The following FOXP1 variants were observed in gnomAD, a reference collection of about 807,000 sequenced individuals.
FOXP1 encodes the protein forkhead box P1, also known as forkhead box protein P1.
A neutral mutation model predicts 98.2 loss-of-function variants in FOXP1; 15 were observed. The observed-to-expected ratio is 0.15, with a 90% CI of 0.10 to 0.24. The LOEUF is 0.24. Ranked by LOEUF, FOXP1 falls within the 10% of genes least tolerant of loss-of-function variation. The pLI, the probability that FOXP1 is intolerant of heterozygous loss-of-function variation, is 1.00. For missense variants in FOXP1, 633 were observed against 848.5 expected, an observed-to-expected ratio of 0.75 and a Z score of 3.15; for synonymous variants, 371 against 314.5, an observed-to-expected ratio of 1.18 and a Z score of -1.90.
chr3:71,518,984 G>C (rs946815572), intron 2 of FOXP1, among the ~76,000 whole-genome samples: 2 of 152,202 alleles, frequency 1.3e-5, no homozygotes, highest in Admixed American at 1.3e-4. Context: ...GGTGGCTCAC[G>C]CCTGTAATCC....
At chr3:71,331,376 C>A (rs1018912205) in intron 4 of FOXP1, among the ~76,000 whole-genome samples, 8 of 151,394 alleles carry the variant, frequency 5.3e-5, no homozygotes, top group African/African-American at 1.9e-4. Flanking sequence ...TCCCCCCTCC[C>A]CACCCCCCGC....
intron 6 of FOXP1, among the ~76,000 whole-genome samples, chr3:71,180,190 T>C (rs2062203637): frequency 6.6e-6 from 1 of 152,178 alleles, no homozygotes; most frequent in South Asian, 2.1e-4. Flanking sequence ...TTTTTGTTTT[T>C]CTTGTTCTTG....
At chr3:71,452,536 T>C (rs1012392401) in intron 3 of FOXP1, among the ~76,000 whole-genome samples, 3 of 152,160 alleles carry the variant, frequency 2.0e-5, no homozygotes, top group African/African-American at 7.2e-5. Flanking sequence ...GGATAAATGA[T>C]GAGATTCAGG....
At chr3:71,217,298 C>A (rs1045857296) in intron 5 of FOXP1, among the ~76,000 whole-genome samples, 54 of 152,112 alleles carry the variant, frequency 3.6e-4, no homozygotes, top group Non-Finnish European at 8.8e-5. Context: ...GTCTGGAACT[C>A]CTAACCTCAA....
At chr3:71,031,797 T>C (rs1022456084) in intron 11 of FOXP1, among the ~76,000 whole-genome samples, 1 of 152,132 alleles carries the variant, frequency 6.6e-6, no homozygotes, top group Non-Finnish European at 1.5e-5. Flanking sequence ...CAAAACCCAC[T>C]AATTTCTAGA....
intron 11 of FOXP1, among the ~76,000 whole-genome samples, chr3:71,030,920 T>G (rs1050278931): frequency 9.2e-5 from 14 of 152,216 alleles, no homozygotes; most frequent in African/African-American, 3.4e-4. Flanking sequence ...ATATAGGGGC[T>G]CATATGTACC....
intron 2 of FOXP1, among the ~76,000 whole-genome samples, chr3:71,544,554 C>G (rs571232316): frequency 1.6e-4 from 25 of 152,142 alleles, no homozygotes; most frequent in Non-Finnish European, 4.4e-5. Flanking sequence ...TTTCCAAAAT[C>G]CAAACCTGAA....
Position 71,490,365 on chromosome 3 carries a change from G to A in FOXP1, c.-168+3061C>T, listed in dbSNP as rs143729985. Among the ~76,000 whole-genome samples, 4 of 152,232 alleles carry A rather than the reference G, an allele frequency of 2.6e-5. No individual in the cohort carries two copies. The East Asian group carries it at 5.8e-4, about 22-fold the overall frequency. The stretch of plus-strand genomic sequence containing the variant: ...ATACAAAAATTAGCTGGGTGTGGTG[G>A]TGGGCACCTGCAATCCCAGCTAATT... On this transcript the variant is annotated intron_variant, in intron 3 of 20. Transcript: ENST00000649528.
intron 5 of FOXP1, among the ~76,000 whole-genome samples, chr3:71,223,639 G>T (rs1334007815): frequency 6.8e-6 from 1 of 147,740 alleles, no homozygotes; most frequent in Non-Finnish European, 1.5e-5. Flanking sequence ...AGCTTGCAGT[G>T]AGTAGAGATT....
Position 71,015,602 on chromosome 3 carries a change from T to C in FOXP1, c.921A>G (p.Val307=), listed in dbSNP as rs2044343001. 2 of 1,613,358 alleles carry C rather than the reference T, an allele frequency of 1.2e-6. No individual in the cohort carries two copies. The highest frequency in any genetic ancestry group is 1.1e-5 in the South Asian group (1 of 91,064). The change falls in exon 12 of 21, where the codon GTA becomes GTG. Residue 307 remains valine (V), a synonymous_variant. Coordinates refer to ENST00000649528, the MANE Select transcript of FOXP1 (RefSeq NM_001349338.3). ...CTGCTTCACAGCCTGGCCACTTGCA[T>C]ACACCATGTCCATAGAGAGGATGGC... is the stretch of plus-strand genomic sequence containing the variant. The part of the protein sequence containing the change: ...PHSHPLYGHG[V]CKWPGCEAVC...
chr3:71,121,973 G>A lies in FOXP1; in HGVS notation c.181-9336C>T, dbSNP rs2058810419. Among the ~76,000 whole-genome samples the A allele has an allele frequency of 2.6e-5, 4 of 152,082 alleles. No homozygotes were observed. In the South Asian group the frequency reaches 8.3e-4, roughly 32 times the overall value. On this transcript the variant is annotated intron_variant, in intron 6 of 20. Transcript: ENST00000649528. ...GTTTTTTGCAATTGCCTTTTATGAG[G>A]TGCAGCTCAGCAACTCTCATTATGA...
intron 2 of FOXP1, chr3:71,580,713 G>T (rs770448456): frequency 6.5e-5 from 59 of 911,730 alleles, no homozygotes; most frequent in Middle Eastern, 5.6e-4. Context: ...ATTTTGCAGC[G>T]ATTCTTCAAT....
At chr3:71,164,375 A>AT (rs1263324932) in intron 6 of FOXP1, among the ~76,000 whole-genome samples, 1 of 151,776 alleles carries the variant, frequency 6.6e-6, no homozygotes, top group Non-Finnish European at 1.5e-5. Flanking sequence ...AATTTTTTGT[A>AT]TTTTTAGTGG....
chr3:71,548,474 C>T (rs1483587615), intron 2 of FOXP1, among the ~76,000 whole-genome samples: 2 of 152,116 alleles, frequency 1.3e-5, no homozygotes, highest in African/African-American at 4.8e-5. Context: ...GGCACTCTCA[C>T]GGCTTGATGC....
chr3:71,194,105 T>C (rs184622597), intron 6 of FOXP1, among the ~76,000 whole-genome samples: 2 of 152,302 alleles, frequency 1.3e-5, no homozygotes, highest in East Asian at 3.9e-4. Context: ...AAATAATACA[T>C]GTTCAAATTC....
chr3:70,983,118 T>A (rs1372321385), intron 14 of FOXP1, among the ~76,000 whole-genome samples: 1 of 152,162 alleles, frequency 6.6e-6, no homozygotes, highest in Non-Finnish European at 1.5e-5. Flanking sequence ...GGCAGGACAA[T>A]GGGTGGCAGC....
intron 7 of FOXP1, among the ~76,000 whole-genome samples, chr3:71,103,841 G>A (rs2057192952): frequency 6.6e-6 from 1 of 152,196 alleles, no homozygotes; most frequent in Non-Finnish European, 1.5e-5. Context: ...ATCGCACACT[G>A]TGAGACTCAT....
At chr3:71,424,827 T>C (rs2083987959) in intron 3 of FOXP1, among the ~76,000 whole-genome samples, 1 of 152,144 alleles carries the variant, frequency 6.6e-6, no homozygotes, top group Non-Finnish European at 1.5e-5. Context: ...AAGAATCCAA[T>C]GTTCCCATTG....
rs925986095 is a variant in FOXP1 at position 71,181,959 on chromosome 3, T to A, written c.180+16243A>T. ...CTGAGGCAGGAGAATGGCGTGAACCTGGGAGGCAGAGCTTGCAGTGAGCCG... is the reference window on the plus strand; with the variant it reads ...CTGAGGCAGGAGAATGGCGTGAACCAGGGAGGCAGAGCTTGCAGTGAGCCG... On this transcript the variant is annotated intron_variant, in intron 6 of 20. Transcript: ENST00000649528. Among the ~76,000 whole-genome samples, 6 of 147,512 alleles carry A rather than the reference T, an allele frequency of 4.1e-5. 1 individual carries two copies. Among genetic ancestry groups the A allele is most frequent in the East Asian group, 2.0e-4 (1 of 5,054 alleles).
Sources: gnomAD v4.1 joint callset for allele counts (sites outside exome capture counted in the v4.1 genomes callset) on GRCh38, gnomAD v4.1.1 for gene constraint, MANE v1.5 for transcripts, NCBI Gene and HGNC (gene_info 2026-07-23, HGNC 2026-07-21) for gene names.